Variants in CRISPLD2 observed in about 807,000 individuals in gnomAD.
CRISPLD2 encodes the protein cysteine-rich secretory protein LCCL domain-containing 2.
CRISPLD2 carries 47 observed loss-of-function variants against 71.1 expected under a neutral mutation model. The ratio of observed to expected loss-of-function variants is 0.66; its 90% CI spans 0.52 to 0.84. The LOEUF is 0.84. Among genes scored for constraint, CRISPLD2 ranks in the 40% least tolerant of loss-of-function variants. The pLI, the probability that CRISPLD2 is intolerant of heterozygous loss-of-function variation, is 0.00. For synonymous variants in CRISPLD2, 317 were observed against 250.1 expected (o/e 1.27, Z -2.52); for missense variants, 830 against 651.1 (o/e 1.27, Z -2.99).
intron 14 of CRISPLD2, among the ~76,000 whole-genome samples, chr16:84,901,111 T>C (rs1247825644): frequency 6.6e-6 from 1 of 152,062 alleles, no homozygotes; most frequent in Non-Finnish European, 1.5e-5. Context: ...TATAACACTT[T>C]ATTACAATGG....
At chr16:84,826,525 A>G (rs899311932) in intron 1 of CRISPLD2, among the ~76,000 whole-genome samples, 5 of 152,220 alleles carry the variant, frequency 3.3e-5, no homozygotes, top group Admixed American at 2.0e-4. Context: ...AGACACCTCT[A>G]TGATGTGTGT....
In CRISPLD2 at chr16:84,866,263, C is replaced by T. The variant is rs146209966; in HGVS notation, c.710-634C>T. 6.2e-3 allele frequency among the ~76,000 whole-genome samples: 890 copies of T among 144,072 alleles called. 15 individuals carry two copies. The highest frequency in any genetic ancestry group is 0.022 in the African/African-American group (864 of 39,042). 94.5% of individuals were successfully genotyped at this position (144,072 alleles called of 152,430 possible). ...GGTTTTTTTTTTTGAGATGGAGTTT[C>T]GCTCTTGTCACACAGGCTGGACTGC... is the stretch of plus-strand genomic sequence containing the variant. On this transcript the variant is annotated intron_variant, in intron 6 of 14. Transcript: ENST00000262424.
chr16:84,906,223 G>C (rs2071801131), intron 14 of CRISPLD2, among the ~76,000 whole-genome samples: 1 of 152,050 alleles, frequency 6.6e-6, no homozygotes, highest in Non-Finnish European at 1.5e-5. Context: ...GATAGCACCT[G>C]TTCATCTCTC....
chr16:84,884,554 C>T (rs995813565), intron 13 of CRISPLD2, among the ~76,000 whole-genome samples: 1 of 152,134 alleles, frequency 6.6e-6, no homozygotes, highest in East Asian at 1.9e-4. Flanking sequence ...CTCAGGTATT[C>T]CTGTTGCAGT....
intron 14 of CRISPLD2, among the ~76,000 whole-genome samples, chr16:84,890,661 G>A (rs1200778230): frequency 6.6e-6 from 1 of 151,944 alleles, no homozygotes; most frequent in Non-Finnish European, 1.5e-5. Flanking sequence ...CAGCACTGTG[G>A]GAAGCAGTGG....
chr16:84,829,635 G>C (rs1219056546), intron 1 of CRISPLD2, among the ~76,000 whole-genome samples: 1 of 152,198 alleles, frequency 6.6e-6, no homozygotes, highest in African/African-American at 2.4e-5. Context: ...CAGGGCCACA[G>C]GTCAGAACTG....
chr16:84,837,959 T>C (rs1325025366), intron 1 of CRISPLD2, among the ~76,000 whole-genome samples: 1 of 152,172 alleles, frequency 6.6e-6, no homozygotes, highest in Non-Finnish European at 1.5e-5. Flanking sequence ...TGTCAACCAC[T>C]ATTGGTAAAC....
In CRISPLD2 at chr16:84,826,093, T is replaced by C. The variant is rs143088762; in HGVS notation, c.-75+5960T>C. 2.6e-5 allele frequency among the ~76,000 whole-genome samples: 4 copies of C among 152,292 alleles called. No individual in the cohort carries two copies. The East Asian group carries it at 5.8e-4, about 22-fold the overall frequency. On this transcript the variant is annotated intron_variant, in intron 1 of 14. Transcript: ENST00000262424. ...TCTGTTGTAACAAAGCATCCTGTTA[T>C]CCTAGAAAGCTAAAGAAGGCTTGCC...
intron 14 of CRISPLD2, 39 bp from the exon 15 acceptor site, chr16:84,906,549 G>C (rs1236771846): frequency 1.9e-6 from 3 of 1,609,528 alleles, no homozygotes; most frequent in East Asian, 2.2e-5. Context: ...AGGCCCTCCA[G>C]ATCTCTCAGT....
At chr16:84,875,816 T>C (rs2071513862) in intron 11 of CRISPLD2, among the ~76,000 whole-genome samples, 1 of 151,556 alleles carries the variant, frequency 6.6e-6, no homozygotes, top group Admixed American at 6.6e-5. Context: ...TCCACCCGCC[T>C]GGGCCTCCCC....
At chr16:84,835,440 A>G (rs1414641691) in intron 1 of CRISPLD2, among the ~76,000 whole-genome samples, 1 of 152,156 alleles carries the variant, frequency 6.6e-6, no homozygotes, top group Non-Finnish European at 1.5e-5. Context: ...CAAATGTAGT[A>G]GGAGCCATCC....
At chr16:84,860,760 C>T (rs894671044) in intron 6 of CRISPLD2, among the ~76,000 whole-genome samples, 8 of 152,192 alleles carry the variant, frequency 5.3e-5, no homozygotes, top group Non-Finnish European at 1.2e-4. Flanking sequence ...TAAGTAGACA[C>T]CTAGCGAGGT....
intron 6 of CRISPLD2, among the ~76,000 whole-genome samples, chr16:84,857,620 C>G (rs1917276766): frequency 6.6e-6 from 1 of 152,222 alleles, no homozygotes; most frequent in Non-Finnish European, 1.5e-5. Flanking sequence ...TGCCATCCCT[C>G]AAGCATGTCC....
intron 11 of CRISPLD2, among the ~76,000 whole-genome samples, chr16:84,876,022 A>G (rs984727725): frequency 6.6e-6 from 1 of 152,220 alleles, no homozygotes; most frequent in Non-Finnish European, 1.5e-5. Flanking sequence ...GGGTTCAGCA[A>G]ACGATGACTC....
At chr16:84,870,761 C>A (rs1401910483) in intron 8 of CRISPLD2, among the ~76,000 whole-genome samples, 1 of 152,056 alleles carries the variant, frequency 6.6e-6, no homozygotes, top group Admixed American at 6.6e-5. Context: ...AGCTTTTCAC[C>A]ATTATAAACA....
chr16:84,895,082 A>G (rs12051149), intron 14 of CRISPLD2, among the ~76,000 whole-genome samples: 25,051 of 152,138 alleles, frequency 0.16, 2,345 homozygotes, highest in South Asian at 0.24. Flanking sequence ...CTCCACTCGT[A>G]TTCCAAACTT....
intron 2 of CRISPLD2, among the ~76,000 whole-genome samples, chr16:84,841,479 T>C (rs899178009): frequency 2.0e-5 from 3 of 151,590 alleles, no homozygotes; most frequent in Admixed American, 6.6e-5. Flanking sequence ...TGAGGCTAGG[T>C]GAGGAGCCTG....
intron 1 of CRISPLD2, among the ~76,000 whole-genome samples, chr16:84,834,643 G>T (rs1260486430): frequency 6.6e-6 from 1 of 152,192 alleles, no homozygotes; most frequent in Non-Finnish European, 1.5e-5. Flanking sequence ...ATGTGTGTTG[G>T]TCTGTTAAGC....
chr16:84,904,381 C>G (rs1351615809), intron 14 of CRISPLD2, among the ~76,000 whole-genome samples: 1 of 151,992 alleles, frequency 6.6e-6, no homozygotes, highest in Admixed American at 6.6e-5. Flanking sequence ...GTCAGGAGTT[C>G]CAGAGCAGCC....
Sources: allele counts gnomAD v4.1 joint callset (sites outside exome capture counted in the v4.1 genomes callset), GRCh38; gene constraint gnomAD v4.1.1; transcripts MANE v1.5; gene names NCBI Gene and HGNC (gene_info 2026-07-23, HGNC 2026-07-21).